The following MTUS2 variants were observed in gnomAD, a reference collection of about 807,000 sequenced individuals.
MTUS2 encodes the protein microtubule associated scaffold protein 2.
In MTUS2, 40 loss-of-function variants were observed where a neutral mutation model predicts 114.1. The observed-to-expected ratio is 0.35, with a 90% CI of 0.27 to 0.46. MTUS2 has a LOEUF of 0.46. MTUS2 is among the 20% of genes least tolerant of loss of function. MTUS2 has a pLI of 1.00. For synonymous variants in MTUS2, 688 were observed against 672.0 expected, an observed-to-expected ratio of 1.02 and a Z score of -0.37; for missense variants, 1,679 against 1,705.4, an observed-to-expected ratio of 0.98 and a Z score of 0.27.
At chr13:28,930,354 A>C (rs1021111718) in intron 2 of MTUS2, among the ~76,000 whole-genome samples, 2 of 152,192 alleles carry the variant, frequency 1.3e-5, no homozygotes, top group Admixed American at 1.3e-4. Flanking sequence ...CAGAAGCTGC[A>C]TGGTGGGACT....
chr13:28,835,066 G>A (rs1053936004), intron 1 of MTUS2, among the ~76,000 whole-genome samples: 1 of 152,172 alleles, frequency 6.6e-6, no homozygotes, highest in Non-Finnish European at 1.5e-5. Flanking sequence ...ACTTGCTGGT[G>A]GGACTGTGCA....
chr13:28,944,283 A>G (rs1413533284), intron 2 of MTUS2, among the ~76,000 whole-genome samples: 1 of 152,180 alleles, frequency 6.6e-6, no homozygotes, highest in Non-Finnish European at 1.5e-5. Flanking sequence ...TGTAAACTAT[A>G]GTCACTTGAC....
chr13:28,870,557 T>A (rs1228661836), intron 2 of MTUS2, among the ~76,000 whole-genome samples: 2 of 152,186 alleles, frequency 1.3e-5, no homozygotes, highest in African/African-American at 4.8e-5. Flanking sequence ...GTGGTTAAGC[T>A]TGTTGATTAG....
At chr13:28,867,972 T>C (rs1050017577) in intron 2 of MTUS2, among the ~76,000 whole-genome samples, 26 of 152,350 alleles carry the variant, frequency 1.7e-4, no homozygotes, top group African/African-American at 5.8e-4. Flanking sequence ...TTGGGAATCC[T>C]GAAAACACCA....
At chr13:29,171,696 A>G (rs1893569079) in intron 5 of MTUS2, among the ~76,000 whole-genome samples, 1 of 152,188 alleles carries the variant, frequency 6.6e-6, no homozygotes, top group Non-Finnish European at 1.5e-5. Flanking sequence ...AAATCTGGAG[A>G]TAGGTAGTCC....
In MTUS2 at chr13:29,018,259, G is replaced by A. The variant is rs146280482; in HGVS notation, c.-242-6198G>A. 3.2e-3 allele frequency among the ~76,000 whole-genome samples: 488 copies of A among 152,292 alleles called. 3 individuals are homozygous for A. Among genetic ancestry groups the A allele is most frequent in the East Asian group, 0.015 (80 of 5,164 alleles). ...GTGCTCATTGGACCTTGAATGTCAA[G>A]CCGAGAGGTGTCACTTTAGCCTGTC... is the stretch of plus-strand genomic sequence containing the variant. On this transcript the variant is annotated intron_variant, in intron 2 of 15. Coordinates refer to ENST00000612955, the MANE Select transcript of MTUS2 (RefSeq NM_001033602.4).
intron 11 of MTUS2, among the ~76,000 whole-genome samples, chr13:29,491,392 T>C (rs941423590): frequency 1.3e-5 from 2 of 149,554 alleles, no homozygotes; most frequent in African/African-American, 4.9e-5. Context: ...GTGTGTGGTG[T>C]GTGTAGTATA....
intron 5 of MTUS2, among the ~76,000 whole-genome samples, chr13:29,156,991 G>C (rs910955073): frequency 6.6e-6 from 1 of 152,116 alleles, no homozygotes; most frequent in Non-Finnish European, 1.5e-5. Flanking sequence ...ATTAGATAAA[G>C]ATACCAAAAC....
At chr13:29,073,442 C>T (rs1360163616) in intron 4 of MTUS2, among the ~76,000 whole-genome samples, 1 of 151,990 alleles carries the variant, frequency 6.6e-6, no homozygotes, top group Non-Finnish European at 1.5e-5. Context: ...TAAATAATGC[C>T]AGGGAACCAC....
chr13:28,940,119 C>G (rs1168734034), intron 2 of MTUS2, among the ~76,000 whole-genome samples: 2 of 152,106 alleles, frequency 1.3e-5, no homozygotes, highest in Non-Finnish European at 2.9e-5. Flanking sequence ...AGGACACAGC[C>G]AAACCATATT....
chr13:28,977,467 A>G lies in MTUS2; in HGVS notation c.-242-46990A>G, dbSNP rs543847366. On this transcript the variant is annotated intron_variant, in intron 2 of 15. Coordinates refer to ENST00000612955, the MANE Select transcript of MTUS2 (RefSeq NM_001033602.4). ...ACCTTTTATATTTTTATGGGAGACT[A>G]TTTTCTCAATTCCCAACAACTTCCT... 1.1e-3 allele frequency among the ~76,000 whole-genome samples: 167 copies of G among 152,234 alleles called. 2 individuals are homozygous for G. The highest frequency in any genetic ancestry group is 3.6e-3 in the African/African-American group (149 of 41,546).
At chr13:29,435,860 C>T (rs1033099765) in intron 8 of MTUS2, among the ~76,000 whole-genome samples, 1 of 152,218 alleles carries the variant, frequency 6.6e-6, no homozygotes, top group African/African-American at 2.4e-5. Flanking sequence ...CAGAGCAGAG[C>T]TGTGCCAGCA....
chr13:29,040,773 C>G (rs1218348421), intron 4 of MTUS2, among the ~76,000 whole-genome samples: 2 of 151,992 alleles, frequency 1.3e-5, no homozygotes, highest in Non-Finnish European at 2.9e-5. Flanking sequence ...ATTGTCTATT[C>G]ATTTCTTTAG....
intron 2 of MTUS2, among the ~76,000 whole-genome samples, chr13:29,008,130 T>A (rs1427416435): frequency 6.6e-6 from 1 of 152,164 alleles, no homozygotes; most frequent in Non-Finnish European, 1.5e-5. Flanking sequence ...TGAACTCTGA[T>A]TTTGTTGTGA....
rs1880710063 is a variant in MTUS2 at position 28,915,742 on chromosome 13, TG to T, written c.-243+75893del. 8.5e-5 allele frequency among the ~76,000 whole-genome samples: 13 copies of T among 152,092 alleles called. No individual in the cohort carries two copies. The South Asian group carries it at 2.7e-3, about 32-fold the overall frequency. On this transcript the variant is annotated intron_variant, in intron 2 of 15. Coordinates refer to ENST00000612955, the MANE Select transcript of MTUS2 (RefSeq NM_001033602.4). ...GTTTACACATATTTTTCTCCGATTTTGTGGGTTCTCTCTTCATTTTGTTGTG... is the reference window on the plus strand; with the variant it reads ...GTTTACACATATTTTTCTCCGATTTTTGGGTTCTCTCTTCATTTTGTTGTG...
At chr13:29,009,030 G>C (rs1008378399) in intron 2 of MTUS2, among the ~76,000 whole-genome samples, 2 of 150,626 alleles carry the variant, frequency 1.3e-5, no homozygotes, top group Non-Finnish European at 3.0e-5. Flanking sequence ...CTTTTTTTTG[G>C]TGGGGAGTTC....
At chr13:29,251,807 A>G (rs1040426186) in intron 5 of MTUS2, among the ~76,000 whole-genome samples, 10 of 152,212 alleles carry the variant, frequency 6.6e-5, no homozygotes, top group Admixed American at 1.3e-4. Flanking sequence ...TTGTGTGCAT[A>G]TACCACATTT....
intron 12 of MTUS2, among the ~76,000 whole-genome samples, chr13:29,495,355 C>CA (rs561721512): frequency 0.07 from 1,998 of 28,716 alleles, 100 homozygotes; most frequent in Admixed American, 0.15. Flanking sequence ...GAGTCTTTGT[C>CA]AAAAAAAAAA....
In MTUS2 at chr13:29,001,133, T is replaced by C. The variant is rs187966770; in HGVS notation, c.-242-23324T>C. On this transcript the variant is annotated intron_variant, in intron 2 of 15. Transcript: ENST00000612955. ...TTCAGTTCCTGGAAAACTGCTCTTCTTGCCCTTTTTGCTGGGATGCTTCTC... is the reference window on the plus strand; with the variant it reads ...TTCAGTTCCTGGAAAACTGCTCTTCCTGCCCTTTTTGCTGGGATGCTTCTC... Among the ~76,000 whole-genome samples, 7 of 152,364 alleles carry C rather than the reference T, an allele frequency of 4.6e-5. No homozygotes were observed. The East Asian group carries it at 9.7e-4, about 21-fold the overall frequency.
Sources: allele counts gnomAD v4.1 joint callset (sites outside exome capture counted in the v4.1 genomes callset), GRCh38; gene constraint gnomAD v4.1.1; transcripts MANE v1.5; gene names NCBI Gene and HGNC (gene_info 2026-07-23, HGNC 2026-07-21).